Variants in RAC1 observed in about 807,000 individuals in gnomAD.
RAC1 encodes Rac family small GTPase 1.
In RAC1, 2 loss-of-function variants were observed where a neutral mutation model predicts 25.2. The ratio of observed to expected loss-of-function variants is 0.08; its 90% CI spans 0.03 to 0.25. RAC1 has a LOEUF of 0.25. Among genes scored for constraint, RAC1 ranks in the 10% least tolerant of loss-of-function variants. The pLI is 1.00. For missense variants in RAC1, 50 were observed against 235.7 expected (o/e 0.21, Z 5.16); for synonymous variants, 88 against 94.0 (o/e 0.94, Z 0.37).
chr7:6,376,296 C>T (rs1361107438), intron 1 of RAC1, among the ~76,000 whole-genome samples: 4 of 148,456 alleles, frequency 2.7e-5, no homozygotes, highest in Non-Finnish European at 4.4e-5. Flanking sequence ...GATCCTCCTG[C>T]CTCAGTGTCC....
At chr7:6,386,805 GAAA>G (rs1169232256) in intron 1 of RAC1, among the ~76,000 whole-genome samples, 1 of 142,972 alleles carries the variant, frequency 7.0e-6, no homozygotes, top group South Asian at 2.3e-4. Context: ...AAAAAAAAAA[GAAA>G]AAAAAGAAAA....
intron 1 of RAC1, among the ~76,000 whole-genome samples, chr7:6,376,329 C>T (rs900361139): frequency 1.3e-5 from 2 of 151,100 alleles, no homozygotes; most frequent in African/African-American, 2.4e-5. Flanking sequence ...ATTACAGGCA[C>T]GCGCCACCGT....
At chr7:6,376,486 ATTT>A (rs544818669) in intron 1 of RAC1, among the ~76,000 whole-genome samples, 1 of 122,898 alleles carries the variant, frequency 8.1e-6, no homozygotes, top group African/African-American at 3.1e-5. Flanking sequence ...GCCCGGCCCA[ATTT>A]TTTTTTTTTT....
intron 1 of RAC1, among the ~76,000 whole-genome samples, chr7:6,383,465 C>A (rs1782830386): frequency 6.7e-6 from 1 of 149,010 alleles, no homozygotes; most frequent in African/African-American, 2.5e-5. Context: ...TAATCATATT[C>A]TTATAAGACA....
Position 6,376,265 on chromosome 7 carries a change from C to T in RAC1, c.35+1495C>T, listed in dbSNP as rs143967786. 7.7e-3 allele frequency among the ~76,000 whole-genome samples: 1,064 copies of T among 137,586 alleles called. 10 individuals carry two copies. Among genetic ancestry groups the T allele is most frequent in the African/African-American group, 0.028 (996 of 36,096 alleles). 90.3% of individuals were successfully genotyped at this position (137,586 alleles called of 152,430 possible). ...TGGCACGATTTCGGCTCACTACAAC[C>T]TCCGCCTCCCAGGTTCAAGCGATCC... On this transcript the variant is annotated intron_variant, in intron 1 of 5. Coordinates refer to ENST00000348035, the MANE Select transcript of RAC1 (RefSeq NM_006908.5).
At chr7:6,401,387 C>G (rs1783396334) in intron 4 of RAC1, among the ~76,000 whole-genome samples, 2 of 152,270 alleles carry the variant, frequency 1.3e-5, no homozygotes, top group South Asian at 4.1e-4. Flanking sequence ...CTTTCACAAA[C>G]TTCTTAGTGA....
intron 1 of RAC1, among the ~76,000 whole-genome samples, chr7:6,383,866 A>G (rs1782845826): frequency 7.9e-6 from 1 of 127,214 alleles, no homozygotes; most frequent in African/African-American, 3.1e-5. Flanking sequence ...GCAATGGCGC[A>G]ATCTCGGCTC....
chr7:6,395,124 G>A (rs1285497498), intron 3 of RAC1, among the ~76,000 whole-genome samples: 1 of 152,126 alleles, frequency 6.6e-6, no homozygotes, highest in Non-Finnish European at 1.5e-5. Context: ...CAAGTGCTGG[G>A]ATTACAAATT....
chr7:6,398,943 G>T (rs1323674892), intron 3 of RAC1, among the ~76,000 whole-genome samples: 1 of 152,190 alleles, frequency 6.6e-6, no homozygotes, highest in Non-Finnish European at 1.5e-5. Context: ...CTCCTCCCAA[G>T]TGAAAGGAGG....
chr7:6,388,608 T>C (rs1782993687), intron 2 of RAC1, among the ~76,000 whole-genome samples: 1 of 152,060 alleles, frequency 6.6e-6, no homozygotes, highest in Admixed American at 6.5e-5. Flanking sequence ...CCTCCCAAAG[T>C]GCTGGGATTA....
intron 1 of RAC1, among the ~76,000 whole-genome samples, chr7:6,378,691 A>G (rs1006606113): frequency 4.6e-5 from 7 of 152,184 alleles, no homozygotes; most frequent in Non-Finnish European, 1.0e-4. Flanking sequence ...CTTTCTGAGC[A>G]TGGGGTCTAT....
intron 4 of RAC1, among the ~76,000 whole-genome samples, chr7:6,401,165 A>T (rs1783390406): frequency 1.3e-5 from 2 of 152,154 alleles, no homozygotes. Flanking sequence ...CATGTTTGCC[A>T]GGCTGGTCTC....
At chr7:6,391,110 C>T (rs1343300512) in intron 2 of RAC1, among the ~76,000 whole-genome samples, 1 of 152,200 alleles carries the variant, frequency 6.6e-6, no homozygotes, top group Non-Finnish European at 1.5e-5. Context: ...GTTGGCCAGG[C>T]TGGTCTCGAA....
intron 4 of RAC1, among the ~76,000 whole-genome samples, chr7:6,400,862 A>G (rs545099613): frequency 4.6e-5 from 7 of 152,026 alleles, no homozygotes; most frequent in African/African-American, 1.7e-4. Context: ...TTTAGTAGAA[A>G]TGTGGTTTCT....
chr7:6,397,561 G>A (rs902605644), intron 3 of RAC1, among the ~76,000 whole-genome samples: 1 of 152,172 alleles, frequency 6.6e-6, no homozygotes, highest in Non-Finnish European at 1.5e-5. Context: ...CCAAGGTGTT[G>A]GGATTAGAGG....
chr7:6,403,363 A>C lies in RAC1; in HGVS notation c.*917A>C. 1 of 210,900 alleles carries C rather than the reference A, an allele frequency of 4.7e-6. No individual in the cohort carries two copies. Among genetic ancestry groups the C allele is most frequent in the Non-Finnish European group, 9.6e-6 (1 of 103,734 alleles). The allele number at this position is 210,900 out of a possible 1,614,324, so 13.1% of individuals were successfully genotyped here. On this transcript the variant is annotated 3_prime_UTR_variant, in exon 6 of 6. Transcript: ENST00000348035. ...CCTCCCCAAATTGGGCATTTAATTCATCTTTAAACTGGTTGTTCTGTTAGT... is the reference window on the plus strand; with the variant it reads ...CCTCCCCAAATTGGGCATTTAATTCCTCTTTAAACTGGTTGTTCTGTTAGT...
At chr7:6,392,741 A>G (rs182930553) in intron 3 of RAC1, among the ~76,000 whole-genome samples, 4 of 152,276 alleles carry the variant, frequency 2.6e-5, no homozygotes, top group East Asian at 1.9e-4. Flanking sequence ...TTATCTTGTT[A>G]CATGTTTGTT....
At chr7:6,376,668 ATTTG>A (rs201981622) in intron 1 of RAC1, among the ~76,000 whole-genome samples, 5 of 91,138 alleles carry the variant, frequency 5.5e-5, no homozygotes, top group African/African-American at 1.4e-4. Context: ...TGCCCAGCTA[ATTTG>A]TTTTTTTTTT....
chr7:6,396,073 G>T (rs913447360), intron 3 of RAC1, among the ~76,000 whole-genome samples: 3 of 152,188 alleles, frequency 2.0e-5, no homozygotes, highest in African/African-American at 7.2e-5. Flanking sequence ...GGCGTTGAAG[G>T]CACCACGTGT....
Sources: gnomAD v4.1 joint callset for allele counts (sites outside exome capture counted in the v4.1 genomes callset) on GRCh38, gnomAD v4.1.1 for gene constraint, MANE v1.5 for transcripts, NCBI Gene and HGNC (gene_info 2026-07-23, HGNC 2026-07-21) for gene names.